Variants in FTCDNL1 observed in about 807,000 individuals in gnomAD.
The protein encoded by FTCDNL1 is formiminotransferase N-terminal subdomain-containing protein.
A neutral mutation model predicts 5.9 loss-of-function variants in FTCDNL1; 11 were observed. The observed-to-expected ratio is 1.87, with a 90% CI of 1.18 to 3.10. The LOEUF (loss-of-function observed/expected upper bound fraction) is 3.10, where lower values mean the gene tolerates loss of function less well. FTCDNL1 is among the 30% of genes most tolerant of loss of function. The pLI is 0.00. For missense variants in FTCDNL1, 115 were observed against 65.5 expected, an observed-to-expected ratio of 1.76 and a Z score of -2.61; for synonymous variants, 58 against 24.8, an observed-to-expected ratio of 2.34 and a Z score of -3.99.
the FTCDNL1 span, among the ~76,000 whole-genome samples, chr2:199,699,234 A>T: frequency 6.6e-6 from 1 of 152,190 alleles, no homozygotes; most frequent in African/African-American, 2.4e-5. Context: ...TGGGAGGTCA[A>T]GGCAAGCAGA....
chr2:199,818,356 T>A (rs1352860236), intron 4 of FTCDNL1: 1 of 152,240 alleles, frequency 6.6e-6, no homozygotes, highest in Non-Finnish European at 1.5e-5. Flanking sequence ...AAATGTTGAA[T>A]GAAATACATT....
At chr2:199,777,224 C>T (rs1259896284) in intron 3 of FTCDNL1, among the ~76,000 whole-genome samples, 6 of 151,816 alleles carry the variant, frequency 4.0e-5, no homozygotes, top group African/African-American at 7.3e-5. Context: ...ACCCAGGAGG[C>T]GGAGATTGTA....
At chr2:199,701,283 CTG>C in the FTCDNL1 span, among the ~76,000 whole-genome samples, 4 of 97,678 alleles carry the variant, frequency 4.1e-5, no homozygotes, top group Non-Finnish European at 7.8e-5. Context: ...GTCAGAATGG[CTG>C]TTACTTGAAA....
chr2:199,718,275 G>A, the FTCDNL1 span, among the ~76,000 whole-genome samples: 2 of 151,994 alleles, frequency 1.3e-5, no homozygotes, highest in African/African-American at 4.8e-5. Context: ...ATGTCCCTGT[G>A]TTCCCACTGT....
At chr2:199,716,657 G>A in the FTCDNL1 span, among the ~76,000 whole-genome samples, 1 of 152,136 alleles carries the variant, frequency 6.6e-6, no homozygotes, top group Non-Finnish European at 1.5e-5. Context: ...TGATTATTTA[G>A]GAGCTGCTTA....
chr2:199,758,286 A>G, downstream of FTCDNL1, among the ~76,000 whole-genome samples: 1 of 152,264 alleles, frequency 6.6e-6, no homozygotes, highest in Non-Finnish European at 1.5e-5. Flanking sequence ...ATTTATTTTA[A>G]AATTGCTATA....
chr2:199,705,712 A>T, the FTCDNL1 span, among the ~76,000 whole-genome samples: 1 of 152,170 alleles, frequency 6.6e-6, no homozygotes, highest in Non-Finnish European at 1.5e-5. Context: ...TTGTGTGTAG[A>T]TGCACTTTAT....
the FTCDNL1 span, among the ~76,000 whole-genome samples, chr2:199,752,304 T>C: frequency 6.6e-5 from 10 of 152,200 alleles, no homozygotes; most frequent in Admixed American, 4.6e-4. Flanking sequence ...CAAAAGAACA[T>C]TGAAACTTTT....
chr2:199,759,520 T>C (rs1159911682), downstream of FTCDNL1, among the ~76,000 whole-genome samples: 1 of 152,160 alleles, frequency 6.6e-6, no homozygotes, highest in Admixed American at 6.6e-5. Flanking sequence ...TTTATTCAGC[T>C]GTATCATACT....
At chr2:199,670,932 A>C in the FTCDNL1 span, among the ~76,000 whole-genome samples, 1 of 152,158 alleles carries the variant, frequency 6.6e-6, no homozygotes, top group Admixed American at 6.5e-5. Flanking sequence ...AAAGAGGGCT[A>C]AATAACCTAA....
At chr2:199,771,537 A>G (rs1313244122) in intron 3 of FTCDNL1, among the ~76,000 whole-genome samples, 1 of 152,264 alleles carries the variant, frequency 6.6e-6, no homozygotes, top group Non-Finnish European at 1.5e-5. Flanking sequence ...ATTATTTTAA[A>G]TACATAAAAC....
chr2:199,844,671 A>G (rs989876818), intron 3 of FTCDNL1: 15 of 418,456 alleles, frequency 3.6e-5, no homozygotes, highest in African/African-American at 3.0e-4. Context: ...AATGAAAAAT[A>G]CAAAATCTAA....
chr2:199,732,350 T>C, the FTCDNL1 span, among the ~76,000 whole-genome samples: 1 of 152,232 alleles, frequency 6.6e-6, no homozygotes, highest in Non-Finnish European at 1.5e-5. Context: ...TAACAAGTCT[T>C]GGGAACTCCC....
At chr2:199,813,419 G>A (rs1701152968) in intron 4 of FTCDNL1, among the ~76,000 whole-genome samples, 1 of 152,116 alleles carries the variant, frequency 6.6e-6, no homozygotes, top group African/African-American at 2.4e-5. Context: ...AAGTTGTTTA[G>A]GGGTGTCTTC....
chr2:199,771,462 T>TA (rs569276608), intron 3 of FTCDNL1, among the ~76,000 whole-genome samples: 51 of 152,262 alleles, frequency 3.3e-4, no homozygotes, highest in African/African-American at 1.2e-3. Flanking sequence ...TCTTGAACCA[T>TA]AAAAAATAGT....
At chr2:199,830,755 T>C (rs898375306) in intron 3 of FTCDNL1, among the ~76,000 whole-genome samples, 1 of 152,140 alleles carries the variant, frequency 6.6e-6, no homozygotes, top group Non-Finnish European at 1.5e-5. Context: ...ATTTTTACCA[T>C]ATGTACACAT....
chr2:199,813,976 G>A (rs1327562106), intron 4 of FTCDNL1, among the ~76,000 whole-genome samples: 3 of 149,874 alleles, frequency 2.0e-5, no homozygotes, highest in Admixed American at 6.7e-5. Flanking sequence ...TGAGTGCCAG[G>A]AACCATGCAG....
chr2:199,802,164 G>A (rs546126410), intron 3 of FTCDNL1, among the ~76,000 whole-genome samples: 4 of 151,512 alleles, frequency 2.6e-5, no homozygotes, highest in Admixed American at 6.6e-5. Flanking sequence ...TCTAACTTGT[G>A]TACATTTTTC....
At chr2:199,749,581 A>G in the FTCDNL1 span, among the ~76,000 whole-genome samples, 10 of 152,196 alleles carry the variant, frequency 6.6e-5, no homozygotes, top group Non-Finnish European at 1.0e-4. Context: ...TTATGAATGG[A>G]AAGTATTAAC....
Sources: allele counts gnomAD v4.1 joint callset (sites outside exome capture counted in the v4.1 genomes callset), GRCh38; gene constraint gnomAD v4.1.1; transcripts MANE v1.5; gene names NCBI Gene and HGNC (gene_info 2026-07-23, HGNC 2026-07-21).